Variants in TET1 observed in about 807,000 individuals in gnomAD.
TET1 encodes tet methylcytosine dioxygenase 1, also known as methylcytosine dioxygenase TET1.
In TET1, 13 loss-of-function variants were observed where a neutral mutation model predicts 148.7. The observed-to-expected ratio is 0.09, with a 90% CI of 0.06 to 0.14. The LOEUF (loss-of-function observed/expected upper bound fraction) is 0.14. Among genes scored for constraint, TET1 ranks in the 10% least tolerant of loss-of-function variants. TET1 has a pLI of 1.00. For missense variants in TET1, 2,182 were observed against 2,553.8 expected (o/e 0.85, Z 3.14); for synonymous variants, 907 against 937.2 (o/e 0.97, Z 0.59).
chr10:68,672,505 A>AAAAAAAC (rs2055288003), intron 7 of TET1, among the ~76,000 whole-genome samples: 4 of 148,592 alleles, frequency 2.7e-5, no homozygotes, highest in African/African-American at 9.9e-5. Context: ...AAAAAAAAAA[A>AAAAAAAC]AAAAAACACC....
chr10:68,653,155 A>C (rs1342602193), intron 6 of TET1, among the ~76,000 whole-genome samples: 1 of 151,668 alleles, frequency 6.6e-6, no homozygotes, highest in East Asian at 1.9e-4. Context: ...CTTTTGTAGT[A>C]TTTTAATGAT....
At chr10:68,595,981 T>TATATAC (rs1564958939) in intron 2 of TET1, among the ~76,000 whole-genome samples, 3 of 40,848 alleles carry the variant, frequency 7.3e-5, no homozygotes, top group Non-Finnish European at 1.0e-4. Flanking sequence ...CACACACATA[T>TATATAC]ATACACACAC....
chr10:68,570,127 T>A (rs2053651537), intron 1 of TET1, among the ~76,000 whole-genome samples: 1 of 151,836 alleles, frequency 6.6e-6, no homozygotes, highest in Non-Finnish European at 1.5e-5. Flanking sequence ...TTTTTTGAGA[T>A]GGAGTCTTGC....
intron 3 of TET1, among the ~76,000 whole-genome samples, chr10:68,641,519 A>ATT (rs1422685139): frequency 7.3e-6 from 1 of 136,768 alleles, no homozygotes; most frequent in African/African-American, 2.8e-5. Context: ...TTATTTGTTT[A>ATT]TTTTTTTTTA....
chr10:68,584,101 G>A (rs7075548), intron 2 of TET1, among the ~76,000 whole-genome samples: 4,420 of 150,312 alleles, frequency 0.029, 191 homozygotes, highest in African/African-American at 0.1. Context: ...ATGCGGTGGC[G>A]CGATCTCGGC....
At chr10:68,570,384 C>T (rs999894581) in intron 1 of TET1, among the ~76,000 whole-genome samples, 8 of 151,988 alleles carry the variant, frequency 5.3e-5, no homozygotes, top group East Asian at 3.9e-4. Flanking sequence ...GGATTACAGG[C>T]GTGAGCCACC....
chr10:68,678,207 G>A (rs1279898697), intron 8 of TET1, among the ~76,000 whole-genome samples: 1 of 152,216 alleles, frequency 6.6e-6, no homozygotes, highest in Non-Finnish European at 1.5e-5. Flanking sequence ...ACAATCCATG[G>A]AGGGGATAAT....
rs907851966 is a variant in TET1, at chr10:68,692,395, G to A, written c.*581G>A. On this transcript the variant is annotated 3_prime_UTR_variant, in exon 12 of 12. Transcript: ENST00000373644. ...AAATAAATCATTGTTGTTAGTAATG[G>A]TTGGAGGCTGTTCATAAATTGTAAA... is the stretch of plus-strand genomic sequence containing the variant. 11 of 231,776 alleles carry A rather than the reference G, an allele frequency of 4.7e-5. No individual in the cohort carries two copies. The highest frequency in any genetic ancestry group is 2.4e-4 in the African/African-American group (11 of 45,254). The allele number at this position is 231,776 out of a possible 1,614,324, so 14.4% of individuals were successfully genotyped here. A position where few individuals can be genotyped will look rare whatever the true frequency, so the allele number is the denominator to read the frequency against.
intron 10 of TET1, among the ~76,000 whole-genome samples, chr10:68,684,616 A>T (rs1321852913): frequency 2.6e-5 from 4 of 152,022 alleles, no homozygotes; most frequent in Non-Finnish European, 4.4e-5. Flanking sequence ...GCGCTCTTTG[A>T]CTTCCAGGGC....
chr10:68,632,905 C>G (rs1442797223), intron 3 of TET1, among the ~76,000 whole-genome samples: 2 of 150,600 alleles, frequency 1.3e-5, no homozygotes, highest in Non-Finnish European at 2.9e-5. Context: ...GGAAGAATCT[C>G]CTGAACTCTT....
intron 3 of TET1, among the ~76,000 whole-genome samples, chr10:68,621,509 G>A (rs1244856016): frequency 2.0e-5 from 3 of 152,086 alleles, no homozygotes; most frequent in East Asian, 1.9e-4. Flanking sequence ...TCTTGAATCC[G>A]GGAGGCGGTT....
chr10:68,680,063 G>C (rs560351216), intron 8 of TET1, among the ~76,000 whole-genome samples: 1 of 151,886 alleles, frequency 6.6e-6, no homozygotes, highest in African/African-American at 2.4e-5. Flanking sequence ...GATTTTTTTT[G>C]TGTAATCAAG....
intron 1 of TET1, among the ~76,000 whole-genome samples, chr10:68,567,437 G>T (rs2053619261): frequency 1.3e-5 from 2 of 151,906 alleles, no homozygotes; most frequent in African/African-American, 4.8e-5. Flanking sequence ...TGGGATTACA[G>T]GCATATACCA....
chr10:68,613,651 G>A (rs933101795), intron 3 of TET1, among the ~76,000 whole-genome samples: 4 of 152,098 alleles, frequency 2.6e-5, no homozygotes, highest in Non-Finnish European at 4.4e-5. Context: ...AAACACTACT[G>A]GTTGGCCGGA....
rs2055620380 is a variant in TET1, at chr10:68,693,628, G to A, written c.*1814G>A. 4.3e-6 allele frequency: 1 copy of A among 232,238 alleles called. No homozygotes were observed. Among genetic ancestry groups the A allele is most frequent in the Non-Finnish European group, 8.5e-6 (1 of 117,608 alleles). The allele number at this position is 232,238 out of a possible 1,614,324, so 14.4% of individuals were successfully genotyped here. ...GTAAAATAGGGTAATTCATTGACTT[G>A]TTTTAGTATTTTGTGTGCCTTAGAT... On this transcript the variant is annotated 3_prime_UTR_variant, in exon 12 of 12. Coordinates refer to ENST00000373644, the MANE Select transcript of TET1 (RefSeq NM_030625.3).
intron 3 of TET1, among the ~76,000 whole-genome samples, chr10:68,622,215 TTCCTTCCC>T (rs1227756969): frequency 1.8e-3 from 140 of 75,792 alleles, no homozygotes; most frequent in African/African-American, 4.5e-3. Context: ...CCTTCCTTCC[TTCCTTCCC>T]TCCTTCCTCC....
At chr10:68,639,626 G>A (rs1430553982) in intron 3 of TET1, among the ~76,000 whole-genome samples, 4 of 151,980 alleles carry the variant, frequency 2.6e-5, no homozygotes, top group South Asian at 4.2e-4. Context: ...GCACCACCAC[G>A]CTTGGCTAAT....
intron 8 of TET1, among the ~76,000 whole-genome samples, chr10:68,673,804 C>G (rs531896572): frequency 6.6e-6 from 1 of 151,934 alleles, no homozygotes. Flanking sequence ...ATAATTAGAC[C>G]TATCTGAAAA....
chr10:68,683,391 G>A (rs1462458116), intron 10 of TET1, among the ~76,000 whole-genome samples: 1 of 152,172 alleles, frequency 6.6e-6, no homozygotes, highest in Non-Finnish European at 1.5e-5. Context: ...CCATTCTCCT[G>A]CCTTAGCCTC....
Sources: gnomAD v4.1 joint callset for allele counts (sites outside exome capture counted in the v4.1 genomes callset) on GRCh38, gnomAD v4.1.1 for gene constraint, MANE v1.5 for transcripts, NCBI Gene and HGNC (gene_info 2026-07-23, HGNC 2026-07-21) for gene names.